Variants in IGFBP7 observed in about 807,000 individuals in gnomAD.
IGFBP7 encodes insulin-like growth factor-binding protein 7.
IGFBP7 carries 31 observed loss-of-function variants against 29.4 expected under a neutral mutation model. The observed-to-expected ratio is 1.05, with a 90% CI of 0.79 to 1.42. The LOEUF (loss-of-function observed/expected upper bound fraction) is 1.42. Ranked by LOEUF, IGFBP7 falls within the 40% of genes most tolerant of loss-of-function variation. The probability of loss-of-function intolerance (pLI) is 0.00; values close to 1 mark genes in which losing one functional copy is unlikely to be tolerated. For missense variants in IGFBP7, 393 were observed against 395.5 expected (o/e 0.99, Z 0.05); for synonymous variants, 172 against 174.9 (o/e 0.98, Z 0.13).
chr4:57,039,850 T>G (rs934287803), intron 2 of IGFBP7, among the ~76,000 whole-genome samples: 1 of 152,048 alleles, frequency 6.6e-6, no homozygotes, highest in South Asian at 2.1e-4. Flanking sequence ...GGTCTCAAAC[T>G]CCAGGACTCA....
chr4:57,081,019 G>A (rs988061388), intron 1 of IGFBP7, among the ~76,000 whole-genome samples: 4 of 152,122 alleles, frequency 2.6e-5, no homozygotes, highest in African/African-American at 7.2e-5. Context: ...GATGCCATCT[G>A]GTCCTTCTCA....
At chr4:57,072,001 AC>A (rs1467775392) in intron 1 of IGFBP7, among the ~76,000 whole-genome samples, 13 of 151,982 alleles carry the variant, frequency 8.6e-5, no homozygotes, top group African/African-American at 1.4e-4. Flanking sequence ...AATAAAAAAA[AC>A]CTTTTATTTT....
Position 57,109,990 on chromosome 4 carries a change from CCGCACACCGGGTAGCGGCTCTTGCACA to C in IGFBP7, c.335_361del (p.Val112_Cys120del). 6.5e-7 allele frequency: 1 copy of C among 1,545,880 alleles called. No individual in the cohort carries two copies. The highest frequency in any genetic ancestry group is 2.4e-5 in the East Asian group (1 of 41,638). On this transcript the variant is annotated inframe_deletion, in exon 1 of 5. Transcript: ENST00000295666. ...GCTCGGGTAGGTGGTGCCGTCGCTGCCGCACACCGGGTAGCGGCTCTTGCACACGCACACGCCGCTTACACCCGGACC... is the reference window on the plus strand; with the variant it reads ...GCTCGGGTAGGTGGTGCCGTCGCTGCCGCACACGCCGCTTACACCCGGACC...
chr4:57,076,966 A>T (rs1322478189), intron 1 of IGFBP7, among the ~76,000 whole-genome samples: 1 of 152,216 alleles, frequency 6.6e-6, no homozygotes, highest in Non-Finnish European at 1.5e-5. Flanking sequence ...ATCCAATCAA[A>T]TGATGGCTTG....
Position 57,105,907 on chromosome 4 carries a change from AT to A in IGFBP7, c.475+3969del, listed in dbSNP as rs34995246. Among the ~76,000 whole-genome samples, 493 of 135,812 alleles carry A rather than the reference AT, an allele frequency of 3.6e-3. 3 individuals carry two copies. The highest frequency in any genetic ancestry group is 0.013 in the African/African-American group (466 of 35,788). 89.1% of individuals were successfully genotyped at this position (135,812 alleles called of 152,430 possible). A position where few individuals can be genotyped will look rare whatever the true frequency, so the allele number is the denominator to read the frequency against. ...GGCTAGGTAACAGCCCATTTTTTAA[AT>A]TTTTTTTTTTTTTTTTGAGATGGAG... On this transcript the variant is annotated intron_variant, in intron 1 of 4. Coordinates refer to ENST00000295666, the MANE Select transcript of IGFBP7 (RefSeq NM_001553.3).
At chr4:57,108,509 C>T (rs1196518697) in intron 1 of IGFBP7, among the ~76,000 whole-genome samples, 4 of 151,002 alleles carry the variant, frequency 2.6e-5, no homozygotes, top group Admixed American at 6.6e-5. Flanking sequence ...TGTGTATGTG[C>T]GTGTATTTGC....
intron 1 of IGFBP7, among the ~76,000 whole-genome samples, chr4:57,088,678 C>A (rs542936649): frequency 6.6e-6 from 1 of 152,108 alleles, no homozygotes; most frequent in African/African-American, 2.4e-5. Context: ...CTCTCACCAA[C>A]CCTTTGGGTA....
At chr4:57,109,841 C>T (rs1277804044) in intron 1 of IGFBP7, 36 bp downstream of exon 1, 6 of 1,522,650 alleles carry the variant, frequency 3.9e-6, no homozygotes, top group Non-Finnish European at 5.3e-6. Context: ...CTGGGCCGAG[C>T]GGCGCAGGGT....
chr4:57,102,455 T>C (rs1036330001), intron 1 of IGFBP7, among the ~76,000 whole-genome samples: 1 of 152,110 alleles, frequency 6.6e-6, no homozygotes, highest in Non-Finnish European at 1.5e-5. Flanking sequence ...AAAGAGAGTC[T>C]CCTGACTTCT....
intron 1 of IGFBP7, among the ~76,000 whole-genome samples, chr4:57,062,567 C>T (rs1238425490): frequency 6.6e-6 from 1 of 152,128 alleles, no homozygotes; most frequent in Non-Finnish European, 1.5e-5. Flanking sequence ...CCCATCGTGG[C>T]CAAATGGCTG....
At chr4:57,066,427 A>G (rs893948653) in intron 1 of IGFBP7, among the ~76,000 whole-genome samples, 1 of 152,338 alleles carries the variant, frequency 6.6e-6, no homozygotes, top group South Asian at 2.1e-4. Flanking sequence ...CCAGGCCAGA[A>G]CCACAAAACT....
chr4:57,104,572 C>A (rs1725976277), intron 1 of IGFBP7, among the ~76,000 whole-genome samples: 1 of 152,096 alleles, frequency 6.6e-6, no homozygotes, highest in South Asian at 2.1e-4. Flanking sequence ...ATATTATCAA[C>A]ATAAAAAATG....
intron 1 of IGFBP7, among the ~76,000 whole-genome samples, chr4:57,077,575 A>C (rs1725258282): frequency 6.6e-6 from 1 of 152,190 alleles, no homozygotes; most frequent in Non-Finnish European, 1.5e-5. Context: ...ACCACAGCTG[A>C]CCAAAAGAAG....
intron 1 of IGFBP7, among the ~76,000 whole-genome samples, chr4:57,107,341 T>C (rs1726058866): frequency 6.6e-6 from 1 of 152,210 alleles, no homozygotes; most frequent in Non-Finnish European, 1.5e-5. Flanking sequence ...ACTCAAGTTA[T>C]ACTCAAGCAT....
At chr4:57,053,079 C>T (rs925702666) in intron 1 of IGFBP7, among the ~76,000 whole-genome samples, 16 of 147,316 alleles carry the variant, frequency 1.1e-4, no homozygotes, top group African/African-American at 4.1e-4. Context: ...TGCAGTGGTA[C>T]AATCTCGGCT....
intron 1 of IGFBP7, among the ~76,000 whole-genome samples, chr4:57,098,219 G>C (rs1725808210): frequency 6.6e-6 from 1 of 152,030 alleles, no homozygotes; most frequent in Non-Finnish European, 1.5e-5. Flanking sequence ...AGGAGGAGTG[G>C]ACCGAGCAGG....
At chr4:57,078,815 C>G (rs183734266) in intron 1 of IGFBP7, among the ~76,000 whole-genome samples, 1 of 149,762 alleles carries the variant, frequency 6.7e-6, no homozygotes, top group East Asian at 2.0e-4. Flanking sequence ...CAGAAATGCA[C>G]ATGGATGGTA....
At chr4:57,041,962 G>A (rs183078834) in intron 1 of IGFBP7, among the ~76,000 whole-genome samples, 8 of 152,278 alleles carry the variant, frequency 5.3e-5, no homozygotes, top group Admixed American at 5.2e-4. Flanking sequence ...TATTGGGTGT[G>A]ACCAGGGTCC....
chr4:57,065,756 G>C (rs952885086), intron 1 of IGFBP7, among the ~76,000 whole-genome samples: 7 of 152,176 alleles, frequency 4.6e-5, no homozygotes, highest in African/African-American at 1.7e-4. Context: ...CTGGCCTGGG[G>C]CATCCACCCT....
Sources: gnomAD v4.1 joint callset for allele counts (sites outside exome capture counted in the v4.1 genomes callset) on GRCh38, gnomAD v4.1.1 for gene constraint, MANE v1.5 for transcripts, NCBI Gene and HGNC (gene_info 2026-07-23, HGNC 2026-07-21) for gene names.